SDK1: variants seen among roughly 807,000 people sequenced by gnomAD.
SDK1 encodes the protein protein sidekick-1.
SDK1 carries 157 observed loss-of-function variants against 245.5 expected under a neutral mutation model. The ratio of observed to expected loss-of-function variants is 0.64; its 90% CI spans 0.56 to 0.73. The LOEUF is 0.73. Among genes scored for constraint, SDK1 ranks in the 30% least tolerant of loss-of-function variants. The probability of loss-of-function intolerance (pLI) is 0.00; values close to 1 mark genes in which losing one functional copy is unlikely to be tolerated. For synonymous variants in SDK1, 1,647 were observed against 1,278.5 expected, an observed-to-expected ratio of 1.29 and a Z score of -6.15; for missense variants, 3,583 against 3,002.3, an observed-to-expected ratio of 1.19 and a Z score of -4.52.
At chr7:4,145,081 C>G (rs1435883614) in intron 28 of SDK1, among the ~76,000 whole-genome samples, 1 of 152,176 alleles carries the variant, frequency 6.6e-6, no homozygotes, top group Non-Finnish European at 1.5e-5. Flanking sequence ...AGCGGAGGAA[C>G]TGAGCAAGCC....
intron 1 of SDK1, among the ~76,000 whole-genome samples, chr7:3,518,844 T>C (rs1193317114): frequency 6.6e-6 from 1 of 152,164 alleles, no homozygotes; most frequent in African/African-American, 2.4e-5. Flanking sequence ...ATACCTGCAC[T>C]TCTGTGTTTA....
chr7:3,861,318 C>T (rs1308488722), intron 5 of SDK1, among the ~76,000 whole-genome samples: 4 of 152,176 alleles, frequency 2.6e-5, no homozygotes, highest in Non-Finnish European at 5.9e-5. Context: ...TTATTTAAGT[C>T]ATCTATGTAT....
chr7:3,316,915 C>A (rs554041894), intron 1 of SDK1, among the ~76,000 whole-genome samples: 1 of 152,134 alleles, frequency 6.6e-6, no homozygotes, highest in South Asian at 2.1e-4. Flanking sequence ...TACTGTGGCT[C>A]ATGCCTATAA....
chr7:3,601,759 GT>G (rs1369714239), intron 1 of SDK1, among the ~76,000 whole-genome samples: 1 of 151,542 alleles, frequency 6.6e-6, no homozygotes, highest in Non-Finnish European at 1.5e-5. Context: ...CATGTGCCAT[GT>G]TGGTGTGCTG....
Position 4,149,177 on chromosome 7 carries a change from C to T in SDK1, c.4424-85C>T, listed in dbSNP as rs573788836. ...AGCTCTCATGGGCAAGCAGTCAGCC[C>T]TGTACAGCAGCGTAGCCTCCTGGGG... On this transcript the variant is annotated intron_variant, in intron 29 of 44. Coordinates refer to ENST00000404826, the MANE Select transcript of SDK1 (RefSeq NM_152744.4). The T allele has an allele frequency of 1.8e-4, 209 of 1,158,776 alleles. 2 individuals are homozygous for T. In the African/African-American group the frequency reaches 3.2e-3, roughly 18 times the overall value. The allele number at this position is 1,158,776 out of a possible 1,614,324, so 71.8% of individuals were successfully genotyped here.
intron 12 of SDK1, among the ~76,000 whole-genome samples, chr7:3,972,409 G>T (rs1223469648): frequency 6.6e-6 from 1 of 152,118 alleles, no homozygotes; most frequent in Non-Finnish European, 1.5e-5. Context: ...CCGACATCCT[G>T]TCTTTGTTTA....
intron 5 of SDK1, among the ~76,000 whole-genome samples, chr7:3,873,541 TTC>T (rs1214377014): frequency 2.6e-5 from 4 of 152,196 alleles, no homozygotes; most frequent in African/African-American, 9.6e-5. Flanking sequence ...CTTCTGTCCC[TTC>T]TGTTTTTCTT....
chr7:3,639,281 C>T (rs527567072), intron 3 of SDK1, among the ~76,000 whole-genome samples, 171 bp downstream of exon 3: 1 of 152,164 alleles, frequency 6.6e-6, no homozygotes, highest in South Asian at 2.1e-4. Flanking sequence ...GCGTGGCTGG[C>T]CAGGTGAGGG....
intron 5 of SDK1, among the ~76,000 whole-genome samples, chr7:3,847,024 C>A (rs1020692378): frequency 1.3e-5 from 2 of 152,088 alleles, no homozygotes; most frequent in Admixed American, 6.5e-5. Context: ...GTTTTCTAGT[C>A]TCTGACAGCT....
At chr7:4,190,918 G>T (rs1422632131) in intron 35 of SDK1, among the ~76,000 whole-genome samples, 1 of 152,186 alleles carries the variant, frequency 6.6e-6, no homozygotes, top group Admixed American at 6.5e-5. Flanking sequence ...GGGCGGGGAG[G>T]CTCCTTGCCC....
chr7:3,711,827 T>C lies in SDK1; in HGVS notation c.713+69722T>C, dbSNP rs138200402. ...TCTGTATGCCTGGAAGCTGGGGGCG[T>C]TGTGATCTTTTGATTTGACTCCTGG... On this transcript the variant is annotated intron_variant, in intron 4 of 44. Coordinates refer to ENST00000404826, the MANE Select transcript of SDK1 (RefSeq NM_152744.4). Among the ~76,000 whole-genome samples, 112 of 152,112 alleles carry C rather than the reference T, an allele frequency of 7.4e-4. 1 individual carries two copies. The highest frequency in any genetic ancestry group is 2.5e-3 in the African/African-American group (104 of 41,494).
intron 5 of SDK1, among the ~76,000 whole-genome samples, chr7:3,876,121 T>C (rs10243770): frequency 0.33 from 50,068 of 152,078 alleles, 11,160 homozygotes; most frequent in African/African-American, 0.64. Flanking sequence ...ACTAGTCTGC[T>C]GTTTCCCTCC....
At chr7:3,333,453 T>C (rs947265414) in intron 1 of SDK1, among the ~76,000 whole-genome samples, 8 of 152,196 alleles carry the variant, frequency 5.3e-5, no homozygotes, top group Non-Finnish European at 1.0e-4. Flanking sequence ...TGCTTATCTT[T>C]TGTTCTGTCT....
rs1385411791 is a variant in SDK1 at position 4,145,743 on chromosome 7, T to C, written c.4250T>C (p.Leu1417Pro). 1.3e-5 allele frequency: 21 copies of C among 1,610,062 alleles called. No homozygotes were observed. Among genetic ancestry groups the C allele is most frequent in the Non-Finnish European group, 1.8e-5 (21 of 1,178,312 alleles). Residue 1417 changes from leucine to proline, a missense_variant, in exon 29 of 45, where the codon CTG becomes CCG. Coordinates refer to ENST00000404826, the MANE Select transcript of SDK1 (RefSeq NM_152744.4). Reference sequence around the variant, plus strand: ...GCAGGGTACCAGATTGCCTACCGCCTGGCCAGCAGCAGCCCCCACACCTTC... The same window carrying C: ...GCAGGGTACCAGATTGCCTACCGCCCGGCCAGCAGCAGCCCCCACACCTTC... Reference protein sequence around the residue: ...IILGYQIAYRLASSSPHTFTT... With the variant: ...IILGYQIAYRPASSSPHTFTT...
At chr7:3,971,422 C>T in intron 11 of SDK1, 44 bp from the exon 12 acceptor site, 14 of 1,415,062 alleles carry the variant, frequency 9.9e-6, no homozygotes, top group Non-Finnish European at 1.4e-5. Context: ...CAGAAACTGT[C>T]AAACTTGTCA....
At chr7:3,339,853 C>T (rs556311570) in intron 1 of SDK1, among the ~76,000 whole-genome samples, 2 of 151,638 alleles carry the variant, frequency 1.3e-5, no homozygotes, top group South Asian at 2.1e-4. Flanking sequence ...GCAAGCAGAA[C>T]GAAGAGCAGA....
chr7:3,672,896 T>C (rs1262743834), intron 4 of SDK1, among the ~76,000 whole-genome samples: 4 of 148,294 alleles, frequency 2.7e-5, no homozygotes, highest in Non-Finnish European at 4.5e-5. Context: ...TGGAGTGATC[T>C]TTGGGTAAAA....
At chr7:4,191,760 G>A (rs969553676) in intron 35 of SDK1, among the ~76,000 whole-genome samples, 3 of 152,250 alleles carry the variant, frequency 2.0e-5, no homozygotes, top group Non-Finnish European at 4.4e-5. Flanking sequence ...TGGACAGGGG[G>A]CTGCAGGTGG....
intron 4 of SDK1, among the ~76,000 whole-genome samples, chr7:3,750,304 A>G (rs1043578194): frequency 6.6e-6 from 1 of 152,218 alleles, no homozygotes; most frequent in Non-Finnish European, 1.5e-5. Context: ...AAGAGTGGCA[A>G]GGAAACTAAA....
Sources: gnomAD v4.1 joint callset for allele counts (sites outside exome capture counted in the v4.1 genomes callset) on GRCh38, gnomAD v4.1.1 for gene constraint, MANE v1.5 for transcripts, NCBI Gene and HGNC (gene_info 2026-07-23, HGNC 2026-07-21) for gene names.